CFAP119: variants seen among roughly 807,000 people sequenced by gnomAD.
CFAP119 encodes the protein cilia- and flagella-associated protein 119.
the CFAP119 span, chr16:30,761,808 G>T: frequency 7.0e-7 from 1 of 1,426,554 alleles, no homozygotes; most frequent in Non-Finnish European, 9.3e-7. Context: ...TTCCAGGACA[G>T]CCAGCGCTCG....
At chr16:30,761,077 A>C in the CFAP119 span, 1 of 1,137,582 alleles carries the variant, frequency 8.8e-7, no homozygotes, top group South Asian at 1.5e-5. Context: ...ACCTGGAGTA[A>C]TTGCATCTCC....
At chr16:30,761,061 C>T in the CFAP119 span, 2 of 1,009,906 alleles carry the variant, frequency 2.0e-6, no homozygotes, top group East Asian at 5.2e-5. Context: ...AAGCCAACTT[C>T]CAGTCACCTG....
At chr16:30,758,777 ACTC>A in the CFAP119 span, 32 of 628,732 alleles carry the variant, frequency 5.1e-5, no homozygotes, top group Admixed American at 1.0e-3. Context: ...CTGGTCGCGA[ACTC>A]CTGAGCTCAG....
the CFAP119 span, chr16:30,758,468 C>T: frequency 5.9e-6 from 1 of 170,826 alleles, no homozygotes; most frequent in Non-Finnish European, 1.3e-5. Flanking sequence ...TTTGCTTTAC[C>T]CATCAACCCA....
chr16:30,757,770 G>A, the CFAP119 span: 1 of 1,448,098 alleles, frequency 6.9e-7, no homozygotes. Context: ...TATAGAGGTA[G>A]CAATGTTGTT....
At chr16:30,761,105 GTAA>G in the CFAP119 span, 1 of 1,456,208 alleles carries the variant, frequency 6.9e-7, no homozygotes. Context: ...AGTCTCATCT[GTAA>G]AATGGGGATG....
chr16:30,759,389 T>C, the CFAP119 span: 62 of 1,614,182 alleles, frequency 3.8e-5, no homozygotes, highest in African/African-American at 7.3e-4. Flanking sequence ...CGGAAGTAAG[T>C]GTTGACCACG....
At chr16:30,760,688 A>C in the CFAP119 span, 1 of 1,550,438 alleles carries the variant, frequency 6.4e-7, no homozygotes, top group Non-Finnish European at 8.7e-7. Flanking sequence ...TAAAAGAAAA[A>C]GAGTATTGGT....
chr16:30,758,917 T>C, the CFAP119 span: 2 of 1,539,454 alleles, frequency 1.3e-6, no homozygotes, highest in East Asian at 2.3e-5. Flanking sequence ...GGACTCTGAC[T>C]AAAAACAAAA....
the CFAP119 span, chr16:30,760,843 C>A: frequency 4.6e-6 from 3 of 647,616 alleles, no homozygotes; most frequent in Admixed American, 2.5e-5. Context: ...CTCTTATGAG[C>A]CTCTCCATTT....
chr16:30,761,274 G>A, the CFAP119 span: 4 of 1,612,506 alleles, frequency 2.5e-6, no homozygotes, highest in East Asian at 6.7e-5. Context: ...CGGTGTCCTG[G>A]CCCGTAGCGA....
the CFAP119 span, chr16:30,760,342 T>C: frequency 6.2e-7 from 1 of 1,614,118 alleles, no homozygotes; most frequent in Non-Finnish European, 8.5e-7. Context: ...TCTGCTCCAG[T>C]GAGAAGCCCT....
chr16:30,757,972 G>A, the CFAP119 span: 1 of 396,764 alleles, frequency 2.5e-6, no homozygotes, highest in Non-Finnish European at 4.1e-6. Context: ...AGGATTGAGG[G>A]AGGATTAAAT....
At chr16:30,760,553 C>G in the CFAP119 span, 1 of 1,589,284 alleles carries the variant, frequency 6.3e-7, no homozygotes, top group South Asian at 1.1e-5. Flanking sequence ...TTTTCCCAAC[C>G]TGACCCCTCA....
the CFAP119 span, chr16:30,759,485 C>G: frequency 3.7e-6 from 6 of 1,614,044 alleles, no homozygotes; most frequent in South Asian, 4.4e-5. Flanking sequence ...GAATTAGAAC[C>G]CTGACTACCT....
chr16:30,757,469 T>G, the CFAP119 span: 2 of 1,611,048 alleles, frequency 1.2e-6, no homozygotes, highest in South Asian at 2.2e-5. Context: ...GGGGAAAATG[T>G]TGGGGGTCAC....
At chr16:30,761,849 C>T in the CFAP119 span, 3 of 1,171,294 alleles carry the variant, frequency 2.6e-6, no homozygotes, top group Middle Eastern at 2.9e-4. Flanking sequence ...GGCCCGTTCG[C>T]CTCGCTCCGG....
At chr16:30,760,095 GTGTGC>G in the CFAP119 span, 2 of 1,538,398 alleles carry the variant, frequency 1.3e-6, no homozygotes, top group Non-Finnish European at 1.7e-6. Context: ...CCTGTAAAAT[GTGTGC>G]TGTATCCTTA....
At chr16:30,761,102 T>TA in the CFAP119 span, 1 of 1,412,202 alleles carries the variant, frequency 7.1e-7, no homozygotes, top group Middle Eastern at 2.1e-4. Flanking sequence ...CTCAGTCTCA[T>TA]CTGTAAAATG....
Sources: gnomAD v4.1 joint callset for allele counts on GRCh38, gnomAD v4.1.1 for gene constraint, MANE v1.5 for transcripts, NCBI Gene and HGNC (gene_info 2026-07-23, HGNC 2026-07-21) for gene names.